GALR1: variants seen among roughly 807,000 people sequenced by gnomAD.
GALR1 encodes galanin receptor 1, also known as galanin receptor type 1.
A neutral mutation model predicts 17.9 loss-of-function variants in GALR1; 11 were observed. The observed-to-expected ratio is 0.62, with a 90% CI of 0.39 to 1.02. The LOEUF is 1.02. Ranked by LOEUF, GALR1 falls within the 50% of genes least tolerant of loss-of-function variation. The pLI, the probability that GALR1 is intolerant of heterozygous loss-of-function variation, is 0.01. For missense variants in GALR1, 441 were observed against 456.9 expected, an observed-to-expected ratio of 0.97 and a Z score of 0.32; for synonymous variants, 206 against 205.7, an observed-to-expected ratio of 1.00 and a Z score of -0.01.
In GALR1 at chr18:77,251,207, A is replaced by T. The variant is rs757826583; in HGVS notation, c.659A>T (p.Tyr220Phe). Reference protein sequence around the residue: ...LLPLLLICFCYAKVLNHLHKK... With the variant: ...LLPLLLICFCFAKVLNHLHKK... ...CCGCTCCTGCTCATCTGCTTCTGCTATGCCAAGGTGCACGCCGGTCGCGGG... is the reference window on the plus strand; with the variant it reads ...CCGCTCCTGCTCATCTGCTTCTGCTTTGCCAAGGTGCACGCCGGTCGCGGG... The change falls in exon 1 of 3, where the codon TAT becomes TTT. Residue 220 changes from tyrosine (Y) to phenylalanine (F), a missense_variant. Coordinates refer to ENST00000299727, the MANE Select transcript of GALR1 (RefSeq NM_001480.4). The T allele has an allele frequency of 1.2e-6, 2 of 1,604,016 alleles. No homozygotes were observed. Among genetic ancestry groups the T allele is most frequent in the South Asian group, 2.2e-5 (2 of 90,856 alleles).
At position 77,270,126 on chromosome 18, in the gene GALR1, T is replaced by G. The variant is rs1913031741; in HGVS notation, c.*1224T>G. On this transcript the variant is annotated 3_prime_UTR_variant, in exon 3 of 3. Coordinates refer to ENST00000299727, the MANE Select transcript of GALR1 (RefSeq NM_001480.4). ...AGAAAATGGCATGAAAATATTAAATTGTCTTGTATCGGAAAAGTACTTTTC... is the reference window on the plus strand; with the variant it reads ...AGAAAATGGCATGAAAATATTAAATGGTCTTGTATCGGAAAAGTACTTTTC... 6.6e-6 allele frequency: 1 copy of G among 152,206 alleles called. No individual in the cohort carries two copies. The highest frequency in any genetic ancestry group is 1.5e-5 in the Non-Finnish European group (1 of 68,034). 9.4% of individuals were successfully genotyped at this position (152,206 alleles called of 1,614,324 possible).
intron 1 of GALR1, among the ~76,000 whole-genome samples, chr18:77,252,780 G>C (rs549929020): frequency 4.6e-5 from 7 of 151,308 alleles, no homozygotes; most frequent in South Asian, 2.1e-4. Flanking sequence ...CCCAAGTGAC[G>C]GAGGGTGCAG....
chr18:77,259,586 A>ATGGTGGCGATTGTGATGGTGATGGTGG, intron 2 of GALR1, among the ~76,000 whole-genome samples: 1 of 146,110 alleles, frequency 6.8e-6, no homozygotes, highest in South Asian at 2.2e-4. Flanking sequence ...AGTGATGGTG[A>ATGGTGGCGATTGTGATGGTGATGGTGG]TGGTGGCGAT....
In GALR1 at chr18:77,269,202, G is replaced by A. The variant is rs549487946; in HGVS notation, c.*300G>A. The A allele has an allele frequency of 3.9e-6, 1 of 259,418 alleles. No individual in the cohort carries two copies. Among genetic ancestry groups the A allele is most frequent in the East Asian group, 8.6e-5 (1 of 11,568 alleles). The allele number at this position is 259,418 out of a possible 1,614,324, so 16.1% of individuals were successfully genotyped here. On this transcript the variant is annotated 3_prime_UTR_variant, in exon 3 of 3. Coordinates refer to ENST00000299727, the MANE Select transcript of GALR1 (RefSeq NM_001480.4). Reference sequence around the variant, plus strand: ...GGGAACATATATATTCCATATATATGTTCAACTCTTCATAGATTGTGAACT... The same window carrying A: ...GGGAACATATATATTCCATATATATATTCAACTCTTCATAGATTGTGAACT...
chr18:77,265,907 G>A (rs1251903704), intron 2 of GALR1, among the ~76,000 whole-genome samples: 1 of 152,110 alleles, frequency 6.6e-6, no homozygotes, highest in Non-Finnish European at 1.5e-5. Context: ...TAGGCCTCTG[G>A]GTGTGTGATG....
Position 77,251,215 on chromosome 18 carries a change from G to T in GALR1, c.666+1G>T. On this transcript the variant is annotated splice_donor_variant, in intron 1 of 2. Coordinates refer to ENST00000299727, the MANE Select transcript of GALR1 (RefSeq NM_001480.4). LOFTEE classifies it high-confidence loss of function. ...GCTCATCTGCTTCTGCTATGCCAAG[G>T]TGCACGCCGGTCGCGGGGCCGAGAC... The T allele has an allele frequency of 6.3e-7, 1 of 1,591,644 alleles. No homozygotes were observed. The highest frequency in any genetic ancestry group is 8.6e-7 in the Non-Finnish European group (1 of 1,163,052).
intron 1 of GALR1, among the ~76,000 whole-genome samples, chr18:77,252,872 CCACCACCAT>C (rs1568138955): frequency 1.6e-3 from 126 of 76,392 alleles, no homozygotes; most frequent in Middle Eastern, 0.011. Context: ...ACCACCACCA[CCACCACCAT>C]CACCACCACC....
rs144043696 is a variant in GALR1 at position 77,269,476 on chromosome 18, G to C, written c.*574G>C. Reference sequence around the variant, plus strand: ...GCATTTGCTTCCAATTGTAGCTAGCGCACAGAGCTTTGGAAGCCTGTCATT... The same window carrying C: ...GCATTTGCTTCCAATTGTAGCTAGCCCACAGAGCTTTGGAAGCCTGTCATT... On this transcript the variant is annotated 3_prime_UTR_variant, in exon 3 of 3. Coordinates refer to ENST00000299727, the MANE Select transcript of GALR1 (RefSeq NM_001480.4). The C allele has an allele frequency of 6.6e-6, 1 of 152,656 alleles. No individual in the cohort carries two copies. Among genetic ancestry groups the C allele is most frequent in the Non-Finnish European group, 1.5e-5 (1 of 68,462 alleles). The allele number at this position is 152,656 out of a possible 1,614,324, so 9.5% of individuals were successfully genotyped here.
chr18:77,257,347 T>C (rs1191051139), intron 2 of GALR1, among the ~76,000 whole-genome samples: 1 of 152,174 alleles, frequency 6.6e-6, no homozygotes, highest in Non-Finnish European at 1.5e-5. Context: ...GATAACCACC[T>C]AAGAATACAA....
rs1387277204 is a variant in GALR1 at position 77,274,912 on chromosome 18, C to G, written c.*6010C>G. On this transcript the variant is annotated 3_prime_UTR_variant, in exon 3 of 3. Coordinates refer to ENST00000299727, the MANE Select transcript of GALR1 (RefSeq NM_001480.4). The stretch of plus-strand genomic sequence containing the variant: ...GTCATATTTCTACACTTGAGATCTT[C>G]CAGTTTCTGTGAATGTTGAGGGGTT... 6.6e-6 allele frequency: 1 copy of G among 152,236 alleles called. No individual in the cohort carries two copies. Among genetic ancestry groups the G allele is most frequent in the Non-Finnish European group, 1.5e-5 (1 of 68,050 alleles). The allele number at this position is 152,236 out of a possible 1,614,324, so 9.4% of individuals were successfully genotyped here. A position where few individuals can be genotyped will look rare whatever the true frequency, so the allele number is the denominator to read the frequency against.
chr18:77,264,569 C>T lies in GALR1; in HGVS notation c.733-4016C>T, dbSNP rs1912905819. 3.3e-5 allele frequency among the ~76,000 whole-genome samples: 5 copies of T among 152,036 alleles called. No individual in the cohort carries two copies. In the South Asian group the frequency reaches 1.0e-3, roughly 32 times the overall value. The stretch of plus-strand genomic sequence containing the variant: ...GGTCTGCTTTCCTGCTCCATGAAAC[C>T]CAGTGAGGTCTGGGAAGAGAGTGGG... On this transcript the variant is annotated intron_variant, in intron 2 of 2. Transcript: ENST00000299727.
chr18:77,258,833 A>T (rs1043670745), intron 2 of GALR1, among the ~76,000 whole-genome samples: 19 of 81,854 alleles, frequency 2.3e-4, no homozygotes, highest in African/African-American at 9.0e-4. Context: ...GGTGCTGGTG[A>T]TGGTGGTGAT....
At chr18:77,253,025 T>TCACCATCACCAC (rs1912504443) in intron 1 of GALR1, among the ~76,000 whole-genome samples, 1 of 40,506 alleles carries the variant, frequency 2.5e-5, no homozygotes, top group Non-Finnish European at 5.0e-5. Context: ...ACCACCACCA[T>TCACCATCACCAC]CACCACCATC....
chr18:77,251,108 G>T lies in GALR1; in HGVS notation c.560G>T (p.Cys187Phe). ...FHPRASNQTF[C>F]WEQWPDPRHK... The stretch of plus-strand genomic sequence containing the variant: ...CCGCGCGCCAGCAACCAGACCTTCT[G>T]CTGGGAGCAGTGGCCCGACCCTCGC... Residue 187 changes from cysteine (C) to phenylalanine (F), a missense_variant, in exon 1 of 3, where the codon TGC becomes TTC. Cys to Phe is a radical substitution (Grantham distance 205, BLOSUM62 -2). Coordinates refer to ENST00000299727, the MANE Select transcript of GALR1 (RefSeq NM_001480.4). The T allele has an allele frequency of 6.2e-7, 1 of 1,612,642 alleles. No homozygotes were observed. The highest frequency in any genetic ancestry group is 8.5e-7 in the Non-Finnish European group (1 of 1,179,940).
chr18:77,267,676 A>C (rs1418712787), intron 2 of GALR1, among the ~76,000 whole-genome samples: 1 of 152,246 alleles, frequency 6.6e-6, no homozygotes, highest in East Asian at 1.9e-4. Context: ...CATTTTAATA[A>C]ATTGGATCAT....
chr18:77,265,433 T>C (rs545150461), intron 2 of GALR1, among the ~76,000 whole-genome samples: 1 of 152,316 alleles, frequency 6.6e-6, no homozygotes, highest in African/African-American at 2.4e-5. Context: ...TGGCTGATGT[T>C]GAGTGTCTAT....
intron 2 of GALR1, among the ~76,000 whole-genome samples, chr18:77,259,867 G>A (rs1240773748): frequency 2.0e-5 from 3 of 151,978 alleles, no homozygotes; most frequent in African/African-American, 7.3e-5. Flanking sequence ...GGGAGACTCG[G>A]GAAGGAAAGC....
chr18:77,259,539 G>A (rs1461200014), intron 2 of GALR1, among the ~76,000 whole-genome samples: 1 of 141,524 alleles, frequency 7.1e-6, no homozygotes, highest in Non-Finnish European at 1.5e-5. Flanking sequence ...GTGGTCATAG[G>A]GGTGGTGGTG....
At chr18:77,257,483 G>T (rs750052960) in intron 2 of GALR1, among the ~76,000 whole-genome samples, 4 of 152,152 alleles carry the variant, frequency 2.6e-5, no homozygotes, top group African/African-American at 4.8e-5. Context: ...CTGACCAAGT[G>T]CTAAGTTATA....
Sources: allele counts gnomAD v4.1 joint callset (sites outside exome capture counted in the v4.1 genomes callset), GRCh38; gene constraint gnomAD v4.1.1; transcripts MANE v1.5; gene names NCBI Gene and HGNC (gene_info 2026-07-23, HGNC 2026-07-21).